The following ATL1 variants were observed in gnomAD, a reference collection of about 807,000 sequenced individuals.
ATL1 encodes atlastin-1.
In ATL1, 31 loss-of-function variants were observed where a neutral mutation model predicts 75.5. The ratio of observed to expected loss-of-function variants is 0.41; its 90% CI spans 0.31 to 0.55. The LOEUF is 0.55. Among genes scored for constraint, ATL1 ranks in the 20% least tolerant of loss-of-function variants. ATL1 has a pLI of 0.27. For missense variants in ATL1, 405 were observed against 662.6 expected (o/e 0.61, Z 4.27); for synonymous variants, 226 against 233.3 (o/e 0.97, Z 0.28).
At chr14:50,607,176 C>CT (rs1239624685) in intron 6 of ATL1, among the ~76,000 whole-genome samples, 1 of 151,960 alleles carries the variant, frequency 6.6e-6, no homozygotes, top group Non-Finnish European at 1.5e-5. Context: ...ACCTGTAAGT[C>CT]TAAGAGTCAC....
At chr14:50,560,779 G>C (rs2038832144) in intron 1 of ATL1, among the ~76,000 whole-genome samples, 1 of 152,130 alleles carries the variant, frequency 6.6e-6, no homozygotes, top group African/African-American at 2.4e-5. Context: ...CGGGCTCCCG[G>C]CGGCGGGCGG....
At chr14:50,616,333 G>A (rs2039414909) in intron 8 of ATL1, among the ~76,000 whole-genome samples, 1 of 151,960 alleles carries the variant, frequency 6.6e-6, no homozygotes, top group African/African-American at 2.4e-5. Context: ...GTCTTGCTCT[G>A]TCTATCAGGC....
At chr14:50,556,196 C>T (rs2038763299), upstream of ATL1, among the ~76,000 whole-genome samples, 1 of 152,082 alleles carries the variant, frequency 6.6e-6, no homozygotes, top group African/African-American at 2.4e-5. Flanking sequence ...ATAAAATTCA[C>T]CAACTTAGAT....
chr14:50,571,721 T>G lies in ATL1; in HGVS notation c.34+11422T>G, dbSNP rs368281840. 1.1e-3 allele frequency among the ~76,000 whole-genome samples: 170 copies of G among 152,334 alleles called. 2 individuals carry two copies. The South Asian group carries it at 0.033, about 30-fold the overall frequency. On this transcript the variant is annotated intron_variant, in intron 1 of 13. Coordinates refer to ENST00000358385, the MANE Select transcript of ATL1 (RefSeq NM_015915.5). Reference sequence around the variant, plus strand: ...TTCCTTTTTTAATACATTACTGGGTTTGCTAATCTTTAGATTACAATATTT... The same window carrying G: ...TTCCTTTTTTAATACATTACTGGGTGTGCTAATCTTTAGATTACAATATTT...
chr14:50,540,777 A>G (rs927763669), intron 1 of ATL1, among the ~76,000 whole-genome samples: 3 of 152,202 alleles, frequency 2.0e-5, no homozygotes, highest in African/African-American at 4.8e-5. Flanking sequence ...CTAGGGAGCT[A>G]TTATGATAGG....
chr14:50,614,340 A>C, intron 7 of ATL1, 33 bp from the exon 8 acceptor site: 2 of 1,612,428 alleles, frequency 1.2e-6, no homozygotes, highest in Non-Finnish European at 8.5e-7. Flanking sequence ...TTTGTGATGA[A>C]AGTAGTTTAA....
chr14:50,566,255 C>G (rs1057373831), intron 1 of ATL1, among the ~76,000 whole-genome samples: 13 of 152,188 alleles, frequency 8.5e-5, no homozygotes, highest in African/African-American at 2.9e-4. Flanking sequence ...ACCTCAGCCC[C>G]CCAAAGTGCT....
intron 1 of ATL1, among the ~76,000 whole-genome samples, chr14:50,536,463 A>G (rs2140140094): frequency 6.6e-6 from 1 of 150,406 alleles, no homozygotes; most frequent in African/African-American, 2.4e-5. Flanking sequence ...AAAAATTGTT[A>G]CCAGTAGAGT....
At chr14:50,592,946 A>ATATATGTG (rs71441294) in intron 4 of ATL1, among the ~76,000 whole-genome samples, 22 of 132,526 alleles carry the variant, frequency 1.7e-4, no homozygotes, top group African/African-American at 6.8e-4. Context: ...ATATATATAT[A>ATATATGTG]TGTGTGTGTG....
intron 1 of ATL1, among the ~76,000 whole-genome samples, chr14:50,562,202 G>C (rs574913804): frequency 4.1e-4 from 62 of 152,150 alleles, no homozygotes; most frequent in African/African-American, 1.4e-3. Context: ...CTGCCACCGT[G>C]CCCGGCTAAT....
At chr14:50,588,738 C>T (rs1373484206) in intron 2 of ATL1, among the ~76,000 whole-genome samples, 1 of 152,050 alleles carries the variant, frequency 6.6e-6, no homozygotes, top group African/African-American at 2.4e-5. Context: ...AAAAAACACA[C>T]AAAAATTAGC....
At chr14:50,557,555 G>A (rs79201618), upstream of ATL1, among the ~76,000 whole-genome samples, 4,267 of 152,096 alleles carry the variant, frequency 0.028, 186 homozygotes, top group African/African-American at 0.097. Context: ...ATTCTATTGC[G>A]TATATGTATT....
At chr14:50,564,413 G>A (rs577350540) in intron 1 of ATL1, among the ~76,000 whole-genome samples, 1 of 152,174 alleles carries the variant, frequency 6.6e-6, no homozygotes, top group Non-Finnish European at 1.5e-5. Context: ...ACTTTGGGAA[G>A]CTAAGGCGGG....
chr14:50,597,026 A>G (rs1335025802), intron 6 of ATL1, among the ~76,000 whole-genome samples: 1 of 151,986 alleles, frequency 6.6e-6, no homozygotes, highest in East Asian at 1.9e-4. Flanking sequence ...CCTGACCAAT[A>G]TGGTGAAACC....
intron 11 of ATL1, among the ~76,000 whole-genome samples, chr14:50,625,941 C>T (rs2039516205): frequency 6.6e-6 from 1 of 151,834 alleles, no homozygotes; most frequent in Non-Finnish European, 1.5e-5. Flanking sequence ...TATACCTACT[C>T]GTTTGTGCGC....
chr14:50,541,017 G>A (rs1307818322), intron 1 of ATL1, among the ~76,000 whole-genome samples: 1 of 152,220 alleles, frequency 6.6e-6, no homozygotes, highest in East Asian at 1.9e-4. Context: ...CATAGTTGTG[G>A]TTCCACATAT....
At chr14:50,607,277 TA>T (rs1447691444) in intron 6 of ATL1, among the ~76,000 whole-genome samples, 1 of 152,098 alleles carries the variant, frequency 6.6e-6, no homozygotes, top group South Asian at 2.1e-4. Flanking sequence ...AAATATGACT[TA>T]AAAAAACAAA....
At chr14:50,553,247 G>A (rs2038724728) in intron 1 of ATL1, among the ~76,000 whole-genome samples, 2 of 150,922 alleles carry the variant, frequency 1.3e-5, no homozygotes, top group African/African-American at 2.4e-5. Context: ...CTCCAGCCTG[G>A]GTGACAAAGC....
intron 1 of ATL1, among the ~76,000 whole-genome samples, chr14:50,561,577 A>G (rs2038845993): frequency 6.6e-6 from 1 of 152,164 alleles, no homozygotes; most frequent in Admixed American, 6.5e-5. Flanking sequence ...TAATCAAAAG[A>G]CCGTGTATCT....
Sources: allele counts gnomAD v4.1 joint callset (sites outside exome capture counted in the v4.1 genomes callset), GRCh38; gene constraint gnomAD v4.1.1; transcripts MANE v1.5; gene names NCBI Gene and HGNC (gene_info 2026-07-23, HGNC 2026-07-21).